Variants in SRRM3 observed in about 807,000 individuals in gnomAD.
SRRM3 encodes serine/arginine repetitive matrix 3.
A neutral mutation model predicts 66.2 loss-of-function variants in SRRM3; 27 were observed. That is an observed-to-expected ratio of 0.41 (90% CI 0.30 to 0.56). The LOEUF (loss-of-function observed/expected upper bound fraction) is 0.56, where lower values mean the gene tolerates loss of function less well. Among genes scored for constraint, SRRM3 ranks in the 20% least tolerant of loss-of-function variants. The pLI, the probability that SRRM3 is intolerant of heterozygous loss-of-function variation, is 0.32. For missense variants in SRRM3, 918 were observed against 991.9 expected (o/e 0.93, Z 1.00); for synonymous variants, 391 against 414.9 (o/e 0.94, Z 0.70).
chr7:76,271,722 G>A (rs981772293), intron 11 of SRRM3, among the ~76,000 whole-genome samples: 2 of 152,170 alleles, frequency 1.3e-5, no homozygotes, highest in Non-Finnish European at 2.9e-5. Context: ...GCTGTGGAGA[G>A]GGTGGAAAAT....
intron 9 of SRRM3, 137 bp downstream of exon 9, chr7:76,264,952 A>C (rs1304179292): frequency 4.0e-6 from 4 of 993,422 alleles, no homozygotes; most frequent in Admixed American, 2.7e-5. Context: ...ATCTAGAAAG[A>C]AAGCCAAGGG....
chr7:76,206,060 T>G (rs991340276), intron 1 of SRRM3, among the ~76,000 whole-genome samples: 6 of 152,092 alleles, frequency 3.9e-5, no homozygotes, highest in African/African-American at 1.4e-4. Context: ...CAGGCTGGAG[T>G]GCAGTGGCAC....
At chr7:76,277,213 T>C (rs76545151) in intron 11 of SRRM3, among the ~76,000 whole-genome samples, 122 of 152,162 alleles carry the variant, frequency 8.0e-4, no homozygotes, top group African/African-American at 2.8e-3. Context: ...ACCTTGATGG[T>C]AGGGGACAGG....
intron 1 of SRRM3, among the ~76,000 whole-genome samples, chr7:76,205,860 T>A (rs1450280536): frequency 2.0e-5 from 3 of 152,222 alleles, no homozygotes; most frequent in Non-Finnish European, 4.4e-5. Flanking sequence ...TCAGCTCCAA[T>A]AAATCAAAGC....
intron 1 of SRRM3, among the ~76,000 whole-genome samples, chr7:76,202,805 C>T (rs1413042210): frequency 6.6e-6 from 1 of 152,164 alleles, no homozygotes; most frequent in Non-Finnish European, 1.5e-5. Flanking sequence ...CCGCCTCCCC[C>T]TCCCTCCCAG....
intron 3 of SRRM3, among the ~76,000 whole-genome samples, chr7:76,259,291 C>T (rs1257643192): frequency 2.0e-5 from 3 of 151,698 alleles, no homozygotes; most frequent in Non-Finnish European, 4.4e-5. Context: ...CCACACACAC[C>T]CCACCCACGA....
intron 2 of SRRM3, among the ~76,000 whole-genome samples, chr7:76,244,405 G>A (rs1801384990): frequency 6.6e-6 from 1 of 151,864 alleles, no homozygotes; most frequent in South Asian, 2.1e-4. Context: ...GATGCCTGTA[G>A]TCCCAGCTAC....
At chr7:76,265,838 ATATATAT>A (rs1802003305) in intron 10 of SRRM3, among the ~76,000 whole-genome samples, 11 of 8,070 alleles carry the variant, frequency 1.4e-3, no homozygotes, top group African/African-American at 2.6e-3. Context: ...TTATATATAT[ATATATAT>A]ATATATATAT....
chr7:76,275,668 G>A (rs1476847467), intron 11 of SRRM3, among the ~76,000 whole-genome samples: 2 of 152,092 alleles, frequency 1.3e-5, no homozygotes, highest in Non-Finnish European at 2.9e-5. Flanking sequence ...GGAAGCAAGA[G>A]TAAAACATCT....
chr7:76,212,303 C>T (rs1285151015), intron 1 of SRRM3, among the ~76,000 whole-genome samples: 1 of 151,202 alleles, frequency 6.6e-6, no homozygotes, highest in African/African-American at 2.4e-5. Context: ...TGCACGCCAC[C>T]ATGCCTGGCT....
At chr7:76,238,929 T>G (rs547561372) in intron 2 of SRRM3, among the ~76,000 whole-genome samples, 1 of 151,994 alleles carries the variant, frequency 6.6e-6, no homozygotes, top group East Asian at 1.9e-4. Flanking sequence ...CCCAAAATGC[T>G]GGGATTACAG....
At chr7:76,276,208 C>T (rs1802345578) in intron 11 of SRRM3, among the ~76,000 whole-genome samples, 1 of 152,150 alleles carries the variant, frequency 6.6e-6, no homozygotes, top group African/African-American at 2.4e-5. Context: ...TTCACTCACT[C>T]ACTCACTCAT....
chr7:76,214,762 C>G (rs886932090), intron 1 of SRRM3, among the ~76,000 whole-genome samples: 1 of 151,892 alleles, frequency 6.6e-6, no homozygotes, highest in Admixed American at 6.6e-5. Flanking sequence ...GACTGAGAAA[C>G]TTTCCTTTTT....
Position 76,260,168 on chromosome 7 carries a change from G to C in SRRM3, c.516G>C (p.Lys172Asn), listed in dbSNP as rs959966467. The C allele has an allele frequency of 2.6e-6, 4 of 1,538,690 alleles. No individual in the cohort carries two copies. The African/African-American group carries it at 5.7e-5, about 22-fold the overall frequency. ...SSASPPPKKK[K>N]KKKGGHRRSR... ...CATCGCCCCCTCCCAAGAAAAAGAAGAAAAAGAAAGGCGGCCACCGGAGAA... is the reference window on the plus strand; with the variant it reads ...CATCGCCCCCTCCCAAGAAAAAGAACAAAAAGAAAGGCGGCCACCGGAGAA... Residue 172 changes from lysine (K) to asparagine (N), a missense_variant, in exon 5 of 15, where the codon AAG becomes AAC. Lys to Asn is a moderately conservative substitution (Grantham distance 94). Transcript: ENST00000611745.
rs144843473 is a variant in SRRM3 at position 76,274,364 on chromosome 7, C to T, written c.1008+6929C>T. Among the ~76,000 whole-genome samples the T allele has an allele frequency of 4.5e-3, 689 of 152,348 alleles. 6 individuals carry two copies. Among genetic ancestry groups the T allele is most frequent in the African/African-American group, 0.016 (657 of 41,588 alleles). The stretch of plus-strand genomic sequence containing the variant: ...GCACCAGGACTGAGCTTCCAGCTTC[C>T]ATCTATTGGGTGCAATTAGTAGATT... On this transcript the variant is annotated intron_variant, in intron 11 of 14. Transcript: ENST00000611745.
intron 1 of SRRM3, among the ~76,000 whole-genome samples, chr7:76,218,655 G>A (rs141734789): frequency 1.6e-4 from 24 of 148,074 alleles, no homozygotes; most frequent in East Asian, 5.9e-4. Context: ...GGTTGAACTC[G>A]TCTGTGTTGC....
chr7:76,255,369 G>A (rs528367352), intron 3 of SRRM3, among the ~76,000 whole-genome samples: 3 of 151,746 alleles, frequency 2.0e-5, no homozygotes, highest in African/African-American at 4.8e-5. Flanking sequence ...GGCTGGTCTC[G>A]AACTCCCGAC....
intron 1 of SRRM3, among the ~76,000 whole-genome samples, chr7:76,206,606 A>G (rs1230730121): frequency 6.6e-6 from 1 of 152,148 alleles, no homozygotes; most frequent in Non-Finnish European, 1.5e-5. Flanking sequence ...GCCCCATGTC[A>G]TCTAGAATAG....
intron 1 of SRRM3, among the ~76,000 whole-genome samples, chr7:76,214,621 G>C (rs1411320589): frequency 6.6e-6 from 1 of 152,066 alleles, no homozygotes; most frequent in Non-Finnish European, 1.5e-5. Context: ...GCTGCTCAGG[G>C]ACTGTGCACC....
Sources: gnomAD v4.1 joint callset for allele counts (sites outside exome capture counted in the v4.1 genomes callset) on GRCh38, gnomAD v4.1.1 for gene constraint, MANE v1.5 for transcripts, NCBI Gene and HGNC (gene_info 2026-07-23, HGNC 2026-07-21) for gene names.